Variants in LEF1 observed in about 807,000 individuals in gnomAD.
LEF1 encodes lymphoid enhancer binding factor 1, also known as lymphoid enhancer-binding factor 1.
LEF1 carries 14 observed loss-of-function variants against 51.2 expected under a neutral mutation model. That is an observed-to-expected ratio of 0.27 (90% CI 0.18 to 0.43). The LOEUF is 0.43. Among genes scored for constraint, LEF1 ranks in the 20% least tolerant of loss-of-function variants. LEF1 has a pLI of 1.00. For missense variants in LEF1, 386 were observed against 512.0 expected, an observed-to-expected ratio of 0.75 and a Z score of 2.37; for synonymous variants, 185 against 183.2, an observed-to-expected ratio of 1.01 and a Z score of -0.08.
intron 11 of LEF1, among the ~76,000 whole-genome samples, chr4:108,058,092 T>C (rs970917560): frequency 3.3e-5 from 5 of 151,970 alleles, no homozygotes; most frequent in African/African-American, 7.2e-5. Flanking sequence ...GCCAGGCTGG[T>C]CTCGAACTCC....
chr4:108,164,404 A>G (rs984352952), intron 2 of LEF1, among the ~76,000 whole-genome samples: 1 of 152,180 alleles, frequency 6.6e-6, no homozygotes, highest in African/African-American at 2.4e-5. Context: ...ATGTAAAAAC[A>G]CTTCATTTCA....
At chr4:108,125,254 C>G (rs2110340559) in intron 3 of LEF1, among the ~76,000 whole-genome samples, 1 of 152,240 alleles carries the variant, frequency 6.6e-6, no homozygotes, top group South Asian at 2.1e-4. Flanking sequence ...ATCTCTGCCT[C>G]CCAGGTTCAA....
At chr4:108,150,264 A>C (rs1262053074) in intron 3 of LEF1, among the ~76,000 whole-genome samples, 1 of 152,230 alleles carries the variant, frequency 6.6e-6, no homozygotes, top group African/African-American at 2.4e-5. Flanking sequence ...ATAAGGAGGC[A>C]ACATCATTTG....
chr4:108,162,668 CAT>C (rs1201206658), intron 3 of LEF1, among the ~76,000 whole-genome samples: 3 of 152,002 alleles, frequency 2.0e-5, no homozygotes, highest in South Asian at 2.1e-4. Flanking sequence ...GACCCATAGA[CAT>C]GTGTTTTTCA....
At chr4:108,141,682 T>C (rs10017382) in intron 3 of LEF1, among the ~76,000 whole-genome samples, 2,395 of 152,322 alleles carry the variant, frequency 0.016, 70 homozygotes, top group African/African-American at 0.055. Flanking sequence ...TTGTGCGCCC[T>C]GGGAATATGG....
chr4:108,055,975 G>A (rs1018883957), intron 11 of LEF1, among the ~76,000 whole-genome samples: 3 of 152,130 alleles, frequency 2.0e-5, no homozygotes, highest in Admixed American at 1.3e-4. Flanking sequence ...GAGCTATAGC[G>A]GACATCTGTC....
intron 3 of LEF1, among the ~76,000 whole-genome samples, chr4:108,093,560 G>A (rs1188798975): frequency 2.0e-5 from 3 of 152,044 alleles, no homozygotes; most frequent in Admixed American, 6.6e-5. Context: ...AGTTACTCCA[G>A]CTTTACGAGA....
chr4:108,136,170 G>A (rs1164322503), intron 3 of LEF1, among the ~76,000 whole-genome samples: 3 of 152,184 alleles, frequency 2.0e-5, no homozygotes, highest in African/African-American at 7.2e-5. Flanking sequence ...ATAACTTTCA[G>A]AAGCATAGTT....
intron 11 of LEF1, among the ~76,000 whole-genome samples, chr4:108,050,313 T>TA (rs1736893587): frequency 6.6e-6 from 1 of 152,130 alleles, no homozygotes; most frequent in African/African-American, 2.4e-5. Flanking sequence ...CACCCTTAGG[T>TA]AAGGCAGTGA....
chr4:108,081,913 T>C (rs2126289858), intron 5 of LEF1, among the ~76,000 whole-genome samples: 1 of 152,268 alleles, frequency 6.6e-6, no homozygotes, highest in East Asian at 1.9e-4. Flanking sequence ...ATGAATTACA[T>C]CTCTTTTATC....
chr4:108,088,382 A>G (rs955620856), intron 4 of LEF1, among the ~76,000 whole-genome samples: 23 of 152,220 alleles, frequency 1.5e-4, no homozygotes, highest in Non-Finnish European at 2.9e-4. Flanking sequence ...GCGCATGTGC[A>G]TGCAAAGAGG....
intron 3 of LEF1, among the ~76,000 whole-genome samples, chr4:108,153,548 A>G (rs961833475): frequency 6.6e-6 from 1 of 152,264 alleles, no homozygotes; most frequent in African/African-American, 2.4e-5. Flanking sequence ...CGAAAGTTGA[A>G]TGTAAACAAG....
In LEF1 at chr4:108,064,317, A is replaced by C. The variant is rs757637360; in HGVS notation, c.1165+19T>G. 6.3e-7 allele frequency: 1 copy of C among 1,594,548 alleles called. No individual in the cohort carries two copies. The highest frequency in any genetic ancestry group is 1.7e-5 in the Admixed American group (1 of 59,932). On this transcript the variant is annotated intron_variant, in intron 10 of 11. Transcript: ENST00000265165. ...TGTCAGAAGCCTGAGGATTGACTGG[A>C]AAGTCTCATGGTGCCTACCTGATGC...
chr4:108,088,176 G>A (rs1739772320), intron 4 of LEF1, among the ~76,000 whole-genome samples: 1 of 152,154 alleles, frequency 6.6e-6, no homozygotes, highest in South Asian at 2.1e-4. Context: ...CACCAGTAGT[G>A]GAAAGAACAC....
At chr4:108,133,600 TG>T (rs1021465821) in intron 3 of LEF1, among the ~76,000 whole-genome samples, 2 of 152,196 alleles carry the variant, frequency 1.3e-5, no homozygotes, top group African/African-American at 4.8e-5. Flanking sequence ...TTGTCCAAAC[TG>T]GACTCGAACT....
At chr4:108,136,415 A>C (rs966490759) in intron 3 of LEF1, among the ~76,000 whole-genome samples, 1 of 151,966 alleles carries the variant, frequency 6.6e-6, no homozygotes, top group Non-Finnish European at 1.5e-5. Context: ...AAACATGTAC[A>C]GTTATATAGC....
chr4:108,115,400 G>C (rs1741771508), intron 3 of LEF1, among the ~76,000 whole-genome samples: 1 of 152,182 alleles, frequency 6.6e-6, no homozygotes, highest in Admixed American at 6.5e-5. Flanking sequence ...ATGTAACCTT[G>C]AGAAAATTTC....
intron 11 of LEF1, among the ~76,000 whole-genome samples, chr4:108,059,173 A>G (rs1737506378): frequency 6.6e-6 from 1 of 152,240 alleles, no homozygotes; most frequent in South Asian, 2.1e-4. Flanking sequence ...GCTCAAAAGT[A>G]GAAACATACG....
intron 11 of LEF1, among the ~76,000 whole-genome samples, chr4:108,056,510 A>C (rs4245928): frequency 0.96 from 146,336 of 152,328 alleles, 70,556 homozygotes; most frequent in East Asian, 1. Flanking sequence ...GATGTGAAAA[A>C]CTGCAGTCCA....
Sources: gnomAD v4.1 joint callset for allele counts (sites outside exome capture counted in the v4.1 genomes callset) on GRCh38, gnomAD v4.1.1 for gene constraint, MANE v1.5 for transcripts, NCBI Gene and HGNC (gene_info 2026-07-23, HGNC 2026-07-21) for gene names.